The following SPATA31H1 variants were observed in gnomAD, a reference collection of about 807,000 sequenced individuals.
The protein encoded by SPATA31H1 is SPATA31 subfamily H member 1.
At chr2:27,547,215 C>G in the SPATA31H1 span, among the ~76,000 whole-genome samples, 5 of 151,110 alleles carry the variant, frequency 3.3e-5, no homozygotes, top group East Asian at 7.8e-4. Flanking sequence ...ACTCTGTCAC[C>G]CAGGCTAGAG....
the SPATA31H1 span, chr2:27,577,387 A>G: frequency 6.2e-7 from 1 of 1,614,078 alleles, no homozygotes; most frequent in Non-Finnish European, 8.5e-7. The surrounding 1 kb of genome is among the most constrained non-coding windows in gnomAD (Gnocchi z 4.5). Flanking sequence ...CTCAAGCATT[A>G]CTTTACAGAA....
the SPATA31H1 span, chr2:27,566,621 C>CT: frequency 0.09 from 34,498 of 382,674 alleles, no homozygotes; most frequent in East Asian, 0.11. Context: ...GGGAAAGAAA[C>CT]TTTTTTTTTT....
the SPATA31H1 span, among the ~76,000 whole-genome samples, chr2:27,556,497 T>C: frequency 6.6e-6 from 1 of 151,658 alleles, no homozygotes; most frequent in Admixed American, 6.6e-5. Flanking sequence ...TTTATCTATT[T>C]TCTTTCCATG....
the SPATA31H1 span, among the ~76,000 whole-genome samples, chr2:27,541,408 GAGAGAGA>G: frequency 4.0e-5 from 6 of 151,510 alleles, 1 homozygote; most frequent in South Asian, 1.2e-3. Context: ...GGAAGGGGGA[GAGAGAGA>G]GGGGAGAGGG....
At chr2:27,550,132 TTTCTGA>T in the SPATA31H1 span, among the ~76,000 whole-genome samples, 1 of 152,002 alleles carries the variant, frequency 6.6e-6, no homozygotes. Flanking sequence ...TATTTCTTTC[TTTCTGA>T]TTCTTATACC....
chr2:27,543,506 T>C, the SPATA31H1 span, among the ~76,000 whole-genome samples: 2 of 148,548 alleles, frequency 1.3e-5, no homozygotes, highest in Admixed American at 6.7e-5. Flanking sequence ...TTTGTCTATA[T>C]CAAATATAAT....
chr2:27,541,928 G>C, the SPATA31H1 span, among the ~76,000 whole-genome samples: 100 of 151,856 alleles, frequency 6.6e-4, 1 homozygote, highest in East Asian at 0.018. Flanking sequence ...ATGCCACCAT[G>C]CCTAGCTAAT....
the SPATA31H1 span, among the ~76,000 whole-genome samples, chr2:27,545,205 G>T: frequency 0.58 from 87,310 of 151,340 alleles, 26,031 homozygotes; most frequent in East Asian, 0.85. Context: ...GTAGTTTTAG[G>T]AGAGATGGAG....
the SPATA31H1 span, chr2:27,579,803 T>G: frequency 1.2e-6 from 2 of 1,614,116 alleles, no homozygotes; most frequent in Non-Finnish European, 1.7e-6. Flanking sequence ...AGGCCAAGAC[T>G]GACTTCTCAG....
chr2:27,567,399 T>C, the SPATA31H1 span: 1 of 470,034 alleles, frequency 2.1e-6, no homozygotes, highest in Non-Finnish European at 3.7e-6. Context: ...AGTTGCTGAA[T>C]CAGAGAAACC....
At chr2:27,543,158 G>A in the SPATA31H1 span, among the ~76,000 whole-genome samples, 1 of 151,986 alleles carries the variant, frequency 6.6e-6, no homozygotes, top group South Asian at 2.1e-4. Context: ...TCTGCTAAAA[G>A]TAACTAAGCA....
At chr2:27,582,079 G>A in the SPATA31H1 span, 1 of 1,613,672 alleles carries the variant, frequency 6.2e-7, no homozygotes, top group Admixed American at 1.7e-5. Flanking sequence ...TCCTTTGAGA[G>A]GAGCCATCGT....
At chr2:27,580,068 C>T in the SPATA31H1 span, 2 of 1,614,150 alleles carry the variant, frequency 1.2e-6, no homozygotes, top group Non-Finnish European at 1.7e-6. Context: ...TCGGTTGCAT[C>T]TTGGCTTTAG....
the SPATA31H1 span, among the ~76,000 whole-genome samples, chr2:27,546,974 T>G: frequency 6.6e-6 from 1 of 152,044 alleles, no homozygotes; most frequent in South Asian, 2.1e-4. Flanking sequence ...CCAGCACCAT[T>G]TATTGAAAAG....
At chr2:27,566,635 C>A in the SPATA31H1 span, 2 of 492,232 alleles carry the variant, frequency 4.1e-6, no homozygotes, top group South Asian at 3.9e-5. Flanking sequence ...TTTTTTTTTT[C>A]AAATTCTCCT....
At chr2:27,580,188 C>T in the SPATA31H1 span, 3 of 1,614,208 alleles carry the variant, frequency 1.9e-6, no homozygotes, top group African/African-American at 2.7e-5. Flanking sequence ...AATCTATACT[C>T]AAGCTTCCAA....
the SPATA31H1 span, chr2:27,537,629 T>C: frequency 2.9e-6 from 2 of 694,366 alleles, no homozygotes; most frequent in Non-Finnish European, 5.3e-6. Flanking sequence ...CCATAGAAAC[T>C]GCCATACTTT....
the SPATA31H1 span, chr2:27,577,340 G>A: frequency 6.2e-7 from 1 of 1,614,100 alleles, no homozygotes; most frequent in Non-Finnish European, 8.5e-7. The surrounding 1 kb of genome is among the most constrained non-coding windows in gnomAD (Gnocchi z 4.5). Context: ...TGAAGCCACT[G>A]CAGCAAACTG....
At chr2:27,539,101 CTTTTTTTTTTTTT>C in the SPATA31H1 span, among the ~76,000 whole-genome samples, 9 of 94,642 alleles carry the variant, frequency 9.5e-5, no homozygotes, top group Non-Finnish European at 1.7e-4. Context: ...TCATCATTTT[CTTTTTTTTTTTTT>C]TTTTTTTTTT....
Sources: allele counts gnomAD v4.1 joint callset (sites outside exome capture counted in the v4.1 genomes callset), GRCh38; gene constraint gnomAD v4.1.1; non-coding constraint Gnocchi (gnomAD v3.1); transcripts MANE v1.5; gene names NCBI Gene and HGNC (gene_info 2026-07-23, HGNC 2026-07-21).